The following ABCC11 variants were observed in gnomAD, a reference collection of about 807,000 sequenced individuals.
ABCC11 encodes ATP-binding cassette sub-family C member 11.
ABCC11 carries 135 observed loss-of-function variants against 149.3 expected under a neutral mutation model. The ratio of observed to expected loss-of-function variants is 0.90; its 90% CI spans 0.79 to 1.04. The LOEUF is 1.04. Among genes scored for constraint, ABCC11 ranks in the 50% least tolerant of loss-of-function variants. The pLI, the probability that ABCC11 is intolerant of heterozygous loss-of-function variation, is 0.00. For synonymous variants in ABCC11, 665 were observed against 671.4 expected (o/e 0.99, Z 0.15); for missense variants, 1,680 against 1,722.1 (o/e 0.98, Z 0.43).
At position 48,208,480 on chromosome 16, in the gene ABCC11, A is replaced by T; in HGVS notation, c.1625T>A (p.Val542Asp). 3.7e-6 allele frequency: 6 copies of T among 1,614,048 alleles called. No individual in the cohort carries two copies. The highest frequency in any genetic ancestry group is 5.1e-6 in the Non-Finnish European group (6 of 1,180,008). The change falls in exon 12 of 30, where the codon GTC (valine) becomes GAC (aspartate). Residue 542 changes from valine to aspartate, a missense_variant. Coordinates refer to ENST00000356608, the MANE Select transcript of ABCC11 (RefSeq NM_001370497.1). ...CTTACCACTCCCCGTGTTGCCGCAG[A>T]CCCCTAACATCATCCCCTGCAAGCC... ...LVVSKGMMLGVCGNTGSGKSS... is the reference protein window; with the variant it reads ...LVVSKGMMLGDCGNTGSGKSS...
chr16:48,225,137 G>T (rs930346612), intron 4 of ABCC11, among the ~76,000 whole-genome samples: 1 of 151,652 alleles, frequency 6.6e-6, no homozygotes, highest in South Asian at 2.1e-4. Context: ...GCTTGAACCC[G>T]GGAGGTGAGT....
rs75017362 is a variant in ABCC11, at chr16:48,193,094, G to C, written c.2509-377C>G. Among the ~76,000 whole-genome samples the C allele has an allele frequency of 3.3e-5, 5 of 152,316 alleles. No homozygotes were observed. The East Asian group carries it at 9.6e-4, about 29-fold the overall frequency. ...GGAAGAGGAGAAGCCAGCATGCTCAGTGGCAACTGTGGGCAGGAGCATGGG... is the reference window on the plus strand; with the variant it reads ...GGAAGAGGAGAAGCCAGCATGCTCACTGGCAACTGTGGGCAGGAGCATGGG... On this transcript the variant is annotated intron_variant, in intron 19 of 29. Transcript: ENST00000356608.
intron 15 of ABCC11, among the ~76,000 whole-genome samples, chr16:48,199,925 C>T (rs1053901995): frequency 6.6e-6 from 1 of 152,020 alleles, no homozygotes; most frequent in Non-Finnish European, 1.5e-5. Flanking sequence ...GTCCTCCTGC[C>T]TTGGCCTCCC....
At chr16:48,193,786 C>A in intron 19 of ABCC11, 93 bp downstream of exon 19, 1 of 1,053,556 alleles carries the variant, frequency 9.5e-7, no homozygotes, top group Non-Finnish European at 1.4e-6. Context: ...GGTCCCAAGC[C>A]ATGCTCTGGC....
chr16:48,240,039 G>A (rs1475933731), intron 1 of ABCC11, among the ~76,000 whole-genome samples: 1 of 152,214 alleles, frequency 6.6e-6, no homozygotes, highest in African/African-American at 2.4e-5. Context: ...TGCTGGCGAG[G>A]TTGCAGAGAA....
chr16:48,187,200 C>T lies in ABCC11; in HGVS notation c.2933+1G>A. ...GTCACAAGCAAAAAGAACCTACTCA[C>T]ATATAATAAATGAAGCAAATAACCA... On this transcript the variant is annotated splice_donor_variant, in intron 21 of 29. Transcript: ENST00000356608. LOFTEE classifies it high-confidence loss of function. 3 of 1,614,120 alleles carry T rather than the reference C, an allele frequency of 1.9e-6. No homozygotes were observed. The highest frequency in any genetic ancestry group is 1.7e-6 in the Non-Finnish European group (2 of 1,180,004).
chr16:48,215,395 G>A, intron 7 of ABCC11, 51 bp from the exon 8 acceptor site: 2 of 1,591,706 alleles, frequency 1.3e-6, no homozygotes, highest in Middle Eastern at 2.1e-4. Context: ...GGCTTCCTTT[G>A]ACAAGGGCAG....
chr16:48,194,174 C>A (rs747522320), intron 18 of ABCC11, among the ~76,000 whole-genome samples, 192 bp from the exon 19 acceptor site: 10 of 152,216 alleles, frequency 6.6e-5, no homozygotes, highest in Non-Finnish European at 1.5e-4. Flanking sequence ...CTGGCTCCAC[C>A]ACTTCCAAAC....
rs1035168336 is a variant in ABCC11, at chr16:48,166,307, G to A, written c.*967C>T. ...ATCATTGAGGCAAGAAGACCTGGGG[G>A]GTGCAGAGTGTGTAGGACGTGAACC... On this transcript the variant is annotated 3_prime_UTR_variant, in exon 30 of 30. Coordinates refer to ENST00000356608, the MANE Select transcript of ABCC11 (RefSeq NM_001370497.1). Among the ~76,000 whole-genome samples, 1 of 152,152 alleles carries A rather than the reference G, an allele frequency of 6.6e-6. No individual in the cohort carries two copies. The highest frequency in any genetic ancestry group is 6.5e-5 in the Admixed American group (1 of 15,268).
downstream of ABCC11, among the ~76,000 whole-genome samples, chr16:48,165,426 A>C (rs1379104168): frequency 6.6e-6 from 1 of 152,212 alleles, no homozygotes; most frequent in Non-Finnish European, 1.5e-5. Flanking sequence ...TGTTCCGTCC[A>C]AGGATTGCAT....
At chr16:48,214,182 C>T (rs1011025634) in intron 9 of ABCC11, among the ~76,000 whole-genome samples, 17 of 152,064 alleles carry the variant, frequency 1.1e-4, no homozygotes, top group Non-Finnish European at 1.8e-4. Flanking sequence ...GGAATGCCTT[C>T]GTCTAGACCT....
At chr16:48,218,350 A>C (rs374119560) in intron 6 of ABCC11, among the ~76,000 whole-genome samples, 1 of 152,124 alleles carries the variant, frequency 6.6e-6, no homozygotes, top group Non-Finnish European at 1.5e-5. Context: ...CCTAGAGCTA[A>C]ACTGTCAGAG....
At chr16:48,165,088 T>G (rs1965292564), downstream of ABCC11, 1 of 152,000 alleles carries the variant, frequency 6.6e-6, no homozygotes, top group Non-Finnish European at 1.5e-5. Flanking sequence ...GGCAGCTGCA[T>G]CTGGCCTGGG....
rs139255022 is a variant in ABCC11, at chr16:48,192,421, G to T, written c.2706+99C>A. ...ATTGTGCCACTGCACTCCAGCCTGGGCTACAGAGCTCTAAAAAATAAAAAA... is the reference window on the plus strand; with the variant it reads ...ATTGTGCCACTGCACTCCAGCCTGGTCTACAGAGCTCTAAAAAATAAAAAA... On this transcript the variant is annotated intron_variant, in intron 20 of 29. Coordinates refer to ENST00000356608, the MANE Select transcript of ABCC11 (RefSeq NM_001370497.1). The T allele has an allele frequency of 4.3e-4, 565 of 1,325,668 alleles. 2 individuals carry two copies. In the African/African-American group the frequency reaches 7.4e-3, roughly 17 times the overall value. The allele number at this position is 1,325,668 out of a possible 1,614,324, so 82.1% of individuals were successfully genotyped here. A position where few individuals can be genotyped will look rare whatever the true frequency, so the allele number is the denominator to read the frequency against.
intron 11 of ABCC11, chr16:48,210,201 G>A (rs1968802028): frequency 6.6e-6 from 1 of 152,176 alleles, no homozygotes; most frequent in South Asian, 2.1e-4. Flanking sequence ...CATTTTAAAT[G>A]CTTGATGGAC....
intron 14 of ABCC11, among the ~76,000 whole-genome samples, chr16:48,202,155 C>T (rs1968042293): frequency 6.6e-6 from 1 of 152,126 alleles, no homozygotes; most frequent in Admixed American, 6.5e-5. Context: ...CTAGTCAAAA[C>T]ACTTTGTATT....
chr16:48,206,732 G>A (rs975816692), intron 12 of ABCC11, among the ~76,000 whole-genome samples: 4 of 152,196 alleles, frequency 2.6e-5, no homozygotes, highest in Non-Finnish European at 5.9e-5. Flanking sequence ...ATGTAGAACA[G>A]AGCTCTGACC....
chr16:48,176,985 G>A lies in ABCC11; in HGVS notation c.3477C>T (p.His1159=), dbSNP rs762193031. The A allele has an allele frequency of 1.5e-5, 25 of 1,614,060 alleles. No individual in the cohort carries two copies. Among genetic ancestry groups the A allele is most frequent in the Admixed American group, 8.3e-5 (5 of 60,004 alleles). ...GGCCGCGGATGGTCAGGTTGATGCC[G>A]TGAAGCACGGTGGGTGTGTTGTCTC... is the stretch of plus-strand genomic sequence containing the variant. ...KYRDNTPTVL[H]GINLTIRGHE... is the part of the protein sequence containing the mutation. The change falls in exon 25 of 30, where the codon CAC becomes CAT. Residue 1159 remains histidine, a synonymous_variant. Transcript: ENST00000356608.
At chr16:48,204,864 T>C (rs1266257190) in intron 13 of ABCC11, among the ~76,000 whole-genome samples, 1 of 152,106 alleles carries the variant, frequency 6.6e-6, no homozygotes, top group Admixed American at 6.5e-5. Flanking sequence ...AACCCGAGAA[T>C]TCTAGGGCAG....
Sources: gnomAD v4.1 joint callset for allele counts (sites outside exome capture counted in the v4.1 genomes callset) on GRCh38, gnomAD v4.1.1 for gene constraint, MANE v1.5 for transcripts, NCBI Gene and HGNC (gene_info 2026-07-23, HGNC 2026-07-21) for gene names.